Variants in NFKBIA observed in about 807,000 individuals in gnomAD.
NFKBIA encodes NF-kappa-B inhibitor alpha.
NFKBIA carries 10 observed loss-of-function variants against 36.3 expected under a neutral mutation model. The ratio of observed to expected loss-of-function variants is 0.28; its 90% CI spans 0.17 to 0.47. The LOEUF (loss-of-function observed/expected upper bound fraction) is 0.47, where lower values mean the gene tolerates loss of function less well. Ranked by LOEUF, NFKBIA falls within the 20% of genes least tolerant of loss-of-function variation. The pLI, the probability that NFKBIA is intolerant of heterozygous loss-of-function variation, is 0.99. For missense variants in NFKBIA, 355 were observed against 399.3 expected, an observed-to-expected ratio of 0.89 and a Z score of 0.94; for synonymous variants, 205 against 164.4, an observed-to-expected ratio of 1.25 and a Z score of -1.89.
At chr14:35,403,043 G>T in intron 3 of NFKBIA, 107 bp downstream of exon 3, 2 of 1,371,898 alleles carry the variant, frequency 1.5e-6, no homozygotes, top group Non-Finnish European at 2.0e-6. Flanking sequence ...CCTTCCAAAT[G>T]TTAGGAGTTT....
In NFKBIA at chr14:35,402,166, C is replaced by T. The variant is rs1648038963; in HGVS notation, c.907-106G>A. On this transcript the variant is annotated intron_variant, in intron 5 of 5. Coordinates refer to ENST00000216797, the MANE Select transcript of NFKBIA (RefSeq NM_020529.3). The stretch of plus-strand genomic sequence containing the variant: ...GGAAATAACTCTTGGACTCCATTCT[C>T]CATAGCCCAAATATAATGAACTTTA... 20 of 1,364,412 alleles carry T rather than the reference C, an allele frequency of 1.5e-5. No homozygotes were observed. The Admixed American group carries it at 3.4e-4, about 23-fold the overall frequency. The allele number at this position is 1,364,412 out of a possible 1,614,324, so 84.5% of individuals were successfully genotyped here.
chr14:35,403,905 G>C, intron 1 of NFKBIA, 107 bp from the exon 2 acceptor site: 1 of 810,138 alleles, frequency 1.2e-6, no homozygotes, highest in Non-Finnish European at 2.1e-6. Flanking sequence ...TCTGGAGGCC[G>C]AGGCCGCGGT....
rs2052742764 is a variant in NFKBIA at position 35,402,819 on chromosome 14, CAGGTAGCCATGGAT to C, written c.574_587del (p.Ile192GlyfsTer12). 6.2e-7 allele frequency: 1 copy of C among 1,614,204 alleles called. No individual in the cohort carries two copies. Among genetic ancestry groups the C allele is most frequent in the East Asian group, 2.2e-5 (1 of 44,892 alleles). On this transcript the variant is annotated frameshift_variant, in exon 4 of 6. Transcript: ENST00000216797. LOFTEE classifies it high-confidence loss of function. ...AGGACACCAAAAGCTCCACGATGCC[CAGGTAGCCATGGAT>C]AGAGGCTAAGTGTAGACACGTGTGG...
At position 35,401,895 on chromosome 14, in the gene NFKBIA, G is replaced by T; in HGVS notation, c.*118C>A. ...AATAAGACGTTTTGGGCCAGGCAGT[G>T]TGCAGTGTGGATATAAGTACACCCT... is the stretch of plus-strand genomic sequence containing the variant. On this transcript the variant is annotated 3_prime_UTR_variant, in exon 6 of 6. Transcript: ENST00000216797. 2 of 1,138,482 alleles carry T rather than the reference G, an allele frequency of 1.8e-6. No individual in the cohort carries two copies. The highest frequency in any genetic ancestry group is 1.3e-6 in the Non-Finnish European group (1 of 762,782). 70.5% of individuals were successfully genotyped at this position (1,138,482 alleles called of 1,614,324 possible). A position where few individuals can be genotyped will look rare whatever the true frequency, so the allele number is the denominator to read the frequency against.
At position 35,401,981 on chromosome 14, in the gene NFKBIA, T is replaced by C; in HGVS notation, c.*32A>G. On this transcript the variant is annotated 3_prime_UTR_variant, in exon 6 of 6. Coordinates refer to ENST00000216797, the MANE Select transcript of NFKBIA (RefSeq NM_020529.3). ...ATAAAACTTTTTTTTTGTACAAATA[T>C]ACAAGTCCATGTTCTTTCAGCCCCT... The C allele has an allele frequency of 1.9e-6, 3 of 1,611,868 alleles. No individual in the cohort carries two copies. Among genetic ancestry groups the C allele is most frequent in the Non-Finnish European group, 2.5e-6 (3 of 1,178,066 alleles).
chr14:35,402,235 A>AGTAAGCTGTTAAAAAAAGG (rs70937092), intron 5 of NFKBIA, among the ~76,000 whole-genome samples, 159 bp downstream of exon 5: 2 of 148,832 alleles, frequency 1.3e-5, no homozygotes, highest in Admixed American at 1.3e-4. Flanking sequence ...TTAAAAAAAG[A>AGTAAGCTGTTAAAAAAAGG]GGGGGGGCAG....
In NFKBIA at chr14:35,402,751, C is replaced by CG. The variant is rs752438514; in HGVS notation, c.636+19dup. 2 of 1,613,908 alleles carry CG rather than the reference C, an allele frequency of 1.2e-6. No homozygotes were observed. The highest frequency in any genetic ancestry group is 1.3e-5 in the African/African-American group (1 of 75,038). ...GCACGAGGAGCCTGACTCAGTGCGT[C>CG]GGGGGCAGGAAGCACCAACCTGAGC... On this transcript the variant is annotated intron_variant, in intron 4 of 5. Coordinates refer to ENST00000216797, the MANE Select transcript of NFKBIA (RefSeq NM_020529.3).
Position 35,404,570 on chromosome 14 carries a change from T to C in NFKBIA, c.75A>G (p.Leu25=). Residue 25 remains leucine, a synonymous_variant, in exon 1 of 6, where the codon CTA becomes CTG. Coordinates refer to ENST00000216797, the MANE Select transcript of NFKBIA (RefSeq NM_020529.3). ...GGCCGCTGTCGTGGCGGTCGTCCAGTAGCCGCTCCTTCTTCAGCCCGTCGC... is the reference window on the plus strand; with the variant it reads ...GGCCGCTGTCGTGGCGGTCGTCCAGCAGCCGCTCCTTCTTCAGCCCGTCGC... ...GPRDGLKKER[L]LDDRHDSGLD... 6.3e-7 allele frequency: 1 copy of C among 1,593,156 alleles called. No individual in the cohort carries two copies. The highest frequency in any genetic ancestry group is 1.7e-5 in the Admixed American group (1 of 57,688).
intron 5 of NFKBIA, 63 bp from the exon 6 acceptor site, chr14:35,402,123 G>C: frequency 6.3e-7 from 1 of 1,587,446 alleles, no homozygotes. Flanking sequence ...AAGCTACCGG[G>C]ATGGGGAGGC....
chr14:35,402,413 G>A lies in NFKBIA; in HGVS notation c.887C>T (p.Thr296Met), dbSNP rs201191831. Residue 296 changes from threonine (T) to methionine (M), a missense_variant, in exon 5 of 6, where the codon ACG becomes ATG. Physicochemically the swap from Thr to Met is moderately conservative, Grantham distance 81. Coordinates refer to ENST00000216797, the MANE Select transcript of NFKBIA (RefSeq NM_020529.3). ...EESYDTESEF[T>M]EFTEDELPYD... ...ACTCACCTCGTCCTCTGTGAACTCC[G>A]TGAACTCTGACTCTGTGTCATAGCT... is the stretch of plus-strand genomic sequence containing the variant. The A allele has an allele frequency of 7.4e-6, 12 of 1,614,124 alleles. No homozygotes were observed. The highest frequency in any genetic ancestry group is 6.6e-5 in the South Asian group (6 of 91,080).
intron 1 of NFKBIA, chr14:35,404,143 C>G (rs1320532636): frequency 2.7e-6 from 1 of 376,760 alleles, no homozygotes; most frequent in Non-Finnish European, 4.8e-6. Flanking sequence ...CCGCCCCGCC[C>G]CCGGCCTAGA....
At chr14:35,402,741 C>T (rs1225433441) in intron 4 of NFKBIA, 30 bp downstream of exon 4, 3 of 1,613,990 alleles carry the variant, frequency 1.9e-6, no homozygotes, top group Non-Finnish European at 2.5e-6. Flanking sequence ...AGGAGCCTGA[C>T]TCAGTGCGTC....
At chr14:35,402,183 T>G in intron 5 of NFKBIA, 123 bp from the exon 6 acceptor site, 1 of 1,285,402 alleles carries the variant, frequency 7.8e-7, no homozygotes, top group Non-Finnish European at 1.1e-6. Context: ...CCAAATATAA[T>G]GAACTTTACA....
chr14:35,402,235 A>AGTAAGCTATTAAAAAAAGGG (rs70937092), intron 5 of NFKBIA, among the ~76,000 whole-genome samples, 159 bp downstream of exon 5: 1,604 of 148,864 alleles, frequency 0.011, 31 homozygotes, highest in African/African-American at 0.035. Context: ...TTAAAAAAAG[A>AGTAAGCTATTAAAAAAAGGG]GGGGGGGCAG....
Position 35,402,759 on chromosome 14 carries a change from G to A in NFKBIA, c.636+12C>T, listed in dbSNP as rs2138831068. The A allele has an allele frequency of 6.2e-7, 1 of 1,614,008 alleles. No individual in the cohort carries two copies. Among genetic ancestry groups the A allele is most frequent in the Non-Finnish European group, 8.5e-7 (1 of 1,179,890 alleles). On this transcript the variant is annotated intron_variant, in intron 4 of 5. Coordinates refer to ENST00000216797, the MANE Select transcript of NFKBIA (RefSeq NM_020529.3). ...AGCCTGACTCAGTGCGTCGGGGGCA[G>A]GAAGCACCAACCTGAGCATTGACAT... is the stretch of plus-strand genomic sequence containing the variant.
chr14:35,403,382 G>A (rs769811270), intron 2 of NFKBIA, 22 bp from the exon 3 acceptor site: 1 of 1,613,178 alleles, frequency 6.2e-7, no homozygotes, highest in East Asian at 2.2e-5. Flanking sequence ...AGAGAGACCA[G>A]AGAAAGTAAG....
chr14:35,403,632 C>T, intron 2 of NFKBIA, 58 bp downstream of exon 2: 1 of 1,238,130 alleles, frequency 8.1e-7, no homozygotes, highest in Non-Finnish European at 1.2e-6. Flanking sequence ...TGGGGTGACT[C>T]TGCTACATCA....
rs1177161624 is a variant in NFKBIA, at chr14:35,403,181, G to A, written c.516C>T (p.Leu172=). The A allele has an allele frequency of 5.6e-6, 9 of 1,612,188 alleles. No individual in the cohort carries two copies. In the South Asian group the frequency reaches 9.9e-5, roughly 18 times the overall value. ...VLTQSCTTPH[L]HSILKATNYN... ...AGTTGGTAGCCTTCAGGATGGAGTG[G>A]AGGTGCGGGGTGGTGCAGGACTGAG... Residue 172 remains leucine, a synonymous_variant, in exon 3 of 6, where the codon CTC becomes CTT. Coordinates refer to ENST00000216797, the MANE Select transcript of NFKBIA (RefSeq NM_020529.3).
At chr14:35,403,110 C>T (rs769757023) in intron 3 of NFKBIA, 40 bp downstream of exon 3, 1 of 1,596,336 alleles carries the variant, frequency 6.3e-7, no homozygotes, top group African/African-American at 1.3e-5. Flanking sequence ...ACGTCACCTG[C>T]CCTCCGAGGG....
Sources: gnomAD v4.1 joint callset for allele counts (sites outside exome capture counted in the v4.1 genomes callset) on GRCh38, gnomAD v4.1.1 for gene constraint, MANE v1.5 for transcripts, NCBI Gene and HGNC (gene_info 2026-07-23, HGNC 2026-07-21) for gene names.